TYW1B: variants seen among roughly 807,000 people sequenced by gnomAD.
TYW1B encodes the protein S-adenosyl-L-methionine-dependent tRNA 4-demethylwyosine synthase TYW1B.
TYW1B carries 73 observed loss-of-function variants against 86.9 expected under a neutral mutation model. The ratio of observed to expected loss-of-function variants is 0.84; its 90% CI spans 0.70 to 1.02. The LOEUF is 1.02. Among genes scored for constraint, TYW1B ranks in the 50% least tolerant of loss-of-function variants. TYW1B has a pLI of 0.00. For missense variants in TYW1B, 637 were observed against 827.4 expected (o/e 0.77, Z 2.82); for synonymous variants, 248 against 292.8 (o/e 0.85, Z 1.56).
chr7:72,724,368 A>G (rs1356994369), intron 9 of TYW1B, among the ~76,000 whole-genome samples: 1 of 152,226 alleles, frequency 6.6e-6, no homozygotes, highest in South Asian at 2.1e-4. Flanking sequence ...GGCTACTTGG[A>G]AGGCTGAGGT....
chr7:72,654,676 T>G (rs1311618375), intron 11 of TYW1B, among the ~76,000 whole-genome samples: 2 of 151,988 alleles, frequency 1.3e-5, no homozygotes, highest in Non-Finnish European at 2.9e-5. Flanking sequence ...AGGTCAGGAG[T>G]TCAAGACCAG....
In TYW1B at chr7:72,616,778, T is replaced by C. The variant is rs112435417; in HGVS notation, c.1679A>G (p.His560Arg). 30 of 1,614,110 alleles carry C rather than the reference T, an allele frequency of 1.9e-5. No individual in the cohort carries two copies. In the African/African-American group the frequency reaches 2.5e-4, roughly 14 times the overall value. ...GCGGACAAACTGTACCACTTCCTCA[T>C]GCCAGGGCACATGGGCCATGGTAAG... ...SSLTMAHVPW[H>R]EEVVQFVREL... The change falls in exon 13 of 14, where the codon CAT becomes CGT. Residue 560 changes from histidine (H) to arginine (R), a missense_variant. By Grantham distance (29) the His-to-Arg change is conservative (BLOSUM62 0). Transcript: ENST00000620995.
chr7:72,588,816 C>CT lies in TYW1B; in HGVS notation c.1786-13098dup, dbSNP rs200351946. Among the ~76,000 whole-genome samples, 449 of 143,450 alleles carry CT rather than the reference C, an allele frequency of 3.1e-3. 1 individual carries two copies. Among genetic ancestry groups the CT allele is most frequent in the East Asian group, 0.015 (73 of 5,006 alleles). 94.1% of individuals were successfully genotyped at this position (143,450 alleles called of 152,430 possible). A position where few individuals can be genotyped will look rare whatever the true frequency, so the allele number is the denominator to read the frequency against. Reference sequence around the variant, plus strand: ...TATTTGCCCTTGGACAAGACTTGCACTTTTTTTTTTTTTTGAGACAGAGTC... The same window carrying CT: ...TATTTGCCCTTGGACAAGACTTGCACTTTTTTTTTTTTTTTGAGACAGAGTC... On this transcript the variant is annotated intron_variant, in intron 13 of 13. Coordinates refer to ENST00000620995, the MANE Select transcript of TYW1B (RefSeq NM_001145440.3).
chr7:72,679,862 G>T (rs1813827175), intron 11 of TYW1B, among the ~76,000 whole-genome samples: 1 of 152,176 alleles, frequency 6.6e-6, no homozygotes, highest in South Asian at 2.1e-4. Context: ...AGGAGCAGTA[G>T]ATCACCTCTG....
intron 7 of TYW1B, among the ~76,000 whole-genome samples, chr7:72,768,374 C>T (rs1787808518): frequency 6.6e-6 from 1 of 152,164 alleles, no homozygotes; most frequent in East Asian, 1.9e-4. Flanking sequence ...GGAATACAGA[C>T]ATTGAAGTTT....
At chr7:72,706,401 T>A (rs1413614599) in intron 10 of TYW1B, among the ~76,000 whole-genome samples, 1 of 124,222 alleles carries the variant, frequency 8.1e-6, no homozygotes, top group African/African-American at 3.2e-5. Flanking sequence ...TACTCCAGCC[T>A]GGGCAACAAG....
At chr7:72,612,873 C>T (rs571180201) in intron 13 of TYW1B, among the ~76,000 whole-genome samples, 28 of 152,110 alleles carry the variant, frequency 1.8e-4, no homozygotes, top group African/African-American at 6.5e-4. Context: ...CCTTAGCCCC[C>T]TAAGTAGCTG....
chr7:72,614,548 G>C (rs782042258), intron 13 of TYW1B, among the ~76,000 whole-genome samples: 9 of 151,786 alleles, frequency 5.9e-5, no homozygotes, highest in Non-Finnish European at 1.0e-4. Flanking sequence ...CAGGAGAATC[G>C]CTTGAAGGGA....
intron 7 of TYW1B, among the ~76,000 whole-genome samples, chr7:72,765,115 T>C (rs1554468097): frequency 3.9e-5 from 6 of 152,204 alleles, no homozygotes; most frequent in Admixed American, 1.3e-4. Context: ...GTGCATTGAA[T>C]GCCTGGCTTC....
chr7:72,662,821 G>A (rs1218686296), intron 11 of TYW1B, among the ~76,000 whole-genome samples: 2 of 152,212 alleles, frequency 1.3e-5, no homozygotes, highest in Admixed American at 6.6e-5. Context: ...TCTTCACACT[G>A]CCATAAATCA....
chr7:72,780,614 A>G (rs1788034640), intron 6 of TYW1B, among the ~76,000 whole-genome samples: 1 of 152,206 alleles, frequency 6.6e-6, no homozygotes, highest in Non-Finnish European at 1.5e-5. Context: ...AAGGACGGCC[A>G]TGGAATACTG....
intron 11 of TYW1B, among the ~76,000 whole-genome samples, chr7:72,692,051 C>T (rs1177691260): frequency 2.6e-5 from 4 of 151,184 alleles, no homozygotes; most frequent in Admixed American, 2.6e-4. Flanking sequence ...ACTAAAAATA[C>T]AAAAACTAGC....
intron 12 of TYW1B, among the ~76,000 whole-genome samples, chr7:72,627,889 C>T (rs1812387117): frequency 6.6e-6 from 1 of 152,176 alleles, no homozygotes; most frequent in African/African-American, 2.4e-5. Flanking sequence ...CCATTTTCTA[C>T]AGCAAAGTGA....
rs1478262138 is a variant in TYW1B, at chr7:72,828,146, G to A, written c.-71C>T. 66 of 1,605,158 alleles carry A rather than the reference G, an allele frequency of 4.1e-5. No individual in the cohort carries two copies. Among genetic ancestry groups the A allele is most frequent in the Non-Finnish European group, 5.6e-5 (66 of 1,176,168 alleles). On this transcript the variant is annotated 5_prime_UTR_variant, in exon 1 of 14. Transcript: ENST00000620995. ...CCAAAGGTTCGCACTGGTACTGCGA[G>A]ACGCACCGAGCTACCTCGCGGCGTT...
At chr7:72,600,648 C>T (rs1477319346) in intron 13 of TYW1B, among the ~76,000 whole-genome samples, 3 of 152,276 alleles carry the variant, frequency 2.0e-5, no homozygotes, top group East Asian at 3.9e-4. Context: ...CTCTTAAACT[C>T]GGCCATAAGA....
chr7:72,630,584 C>T (rs1812459517), intron 11 of TYW1B, among the ~76,000 whole-genome samples: 1 of 151,454 alleles, frequency 6.6e-6, no homozygotes, highest in South Asian at 2.1e-4. Flanking sequence ...TGAAGACTTC[C>T]AACATTAATA....
At chr7:72,819,123 G>A (rs1554479969) in intron 2 of TYW1B, among the ~76,000 whole-genome samples, 2 of 152,162 alleles carry the variant, frequency 1.3e-5, no homozygotes, top group Admixed American at 1.3e-4. Flanking sequence ...ACAGTGAACT[G>A]CAAAGGCCCA....
chr7:72,659,672 G>A (rs114085385), intron 11 of TYW1B, among the ~76,000 whole-genome samples: 1,787 of 152,292 alleles, frequency 0.012, 37 homozygotes, highest in African/African-American at 0.041. Context: ...TGTGCAAACC[G>A]GGTGGTGGGG....
At chr7:72,619,792 T>C (rs1441999421) in intron 12 of TYW1B, among the ~76,000 whole-genome samples, 21 of 152,332 alleles carry the variant, frequency 1.4e-4, no homozygotes, top group Admixed American at 1.3e-3. Context: ...ATACTGCTTA[T>C]GTGTGGATTA....
Sources: gnomAD v4.1 joint callset for allele counts (sites outside exome capture counted in the v4.1 genomes callset) on GRCh38, gnomAD v4.1.1 for gene constraint, MANE v1.5 for transcripts, NCBI Gene and HGNC (gene_info 2026-07-23, HGNC 2026-07-21) for gene names.